Variants in RNF220 observed in about 807,000 individuals in gnomAD.
The protein encoded by RNF220 is E3 ubiquitin-protein ligase RNF220.
Under a neutral mutation model 67.1 loss-of-function variants are expected in RNF220, and 7 were observed. The ratio of observed to expected loss-of-function variants is 0.10; its 90% CI spans 0.06 to 0.20. The LOEUF is 0.20. Among genes scored for constraint, RNF220 ranks in the 10% least tolerant of loss-of-function variants. The probability of loss-of-function intolerance (pLI) is 1.00; values close to 1 mark genes in which losing one functional copy is unlikely to be tolerated. For missense variants in RNF220, 565 were observed against 740.3 expected, an observed-to-expected ratio of 0.76 and a Z score of 2.75; for synonymous variants, 270 against 283.2, an observed-to-expected ratio of 0.95 and a Z score of 0.47.
In RNF220 at chr1:44,405,398, G is replaced by A; in HGVS notation, c.-250G>A. 1 of 630,320 alleles carries A rather than the reference G, an allele frequency of 1.6e-6. No individual in the cohort carries two copies. The highest frequency in any genetic ancestry group is 2.9e-6 in the Non-Finnish European group (1 of 349,222). The allele number at this position is 630,320 out of a possible 1,614,324, so 39.0% of individuals were successfully genotyped here. On this transcript the variant is annotated 5_prime_UTR_variant, in exon 1 of 15. Transcript: ENST00000361799. ...GCCTACTGCTGCTGCTGCTGCTGCCGCTGCCGCCGCCGCCGCCGCCGCTGC... is the reference window on the plus strand; with the variant it reads ...GCCTACTGCTGCTGCTGCTGCTGCCACTGCCGCCGCCGCCGCCGCCGCTGC...
At chr1:44,531,765 A>G (rs529030145) in intron 2 of RNF220, among the ~76,000 whole-genome samples, 13 of 152,298 alleles carry the variant, frequency 8.5e-5, no homozygotes, top group African/African-American at 3.1e-4. Context: ...ATTAGGACCA[A>G]TTATCATCCA....
In RNF220 at chr1:44,614,314, G is replaced by A. The variant is rs112800399; in HGVS notation, c.758+17G>A. 70 of 1,612,500 alleles carry A rather than the reference G, an allele frequency of 4.3e-5. No individual in the cohort carries two copies. The African/African-American group carries it at 7.7e-4, about 18-fold the overall frequency. ...GCCCTCGAGGTAAGCCACCTCCCAGGGAGCCTGCCTGCTGGAGGAGTCCAC... is the reference window on the plus strand; with the variant it reads ...GCCCTCGAGGTAAGCCACCTCCCAGAGAGCCTGCCTGCTGGAGGAGTCCAC... On this transcript the variant is annotated intron_variant, in intron 3 of 14. Transcript: ENST00000361799.
At chr1:44,523,811 C>T (rs1660134463) in intron 2 of RNF220, among the ~76,000 whole-genome samples, 1 of 152,174 alleles carries the variant, frequency 6.6e-6, no homozygotes, top group Non-Finnish European at 1.5e-5. Context: ...ATCCAGCATC[C>T]AGCGCAGCCC....
Position 44,649,633 on chromosome 1 carries a change from C to T in RNF220, c.1446-28C>T. The T allele has an allele frequency of 6.2e-7, 1 of 1,605,220 alleles. No homozygotes were observed. The highest frequency in any genetic ancestry group is 8.5e-7 in the Non-Finnish European group (1 of 1,172,048). Reference sequence around the variant, plus strand: ...GGTACAGATGAGAGATGCCAGCCTGCTACCCAACCATGCCTTCCTTTTTAC... The same window carrying T: ...GGTACAGATGAGAGATGCCAGCCTGTTACCCAACCATGCCTTCCTTTTTAC... On this transcript the variant is annotated intron_variant, in intron 12 of 14. Coordinates refer to ENST00000361799, the MANE Select transcript of RNF220 (RefSeq NM_018150.4). This position sits in a 1 kb window ranked among gnomAD's most constrained non-coding sequence, Gnocchi z 5.9.
chr1:44,433,115 A>AGAT (rs2147872959), intron 2 of RNF220, among the ~76,000 whole-genome samples: 2 of 152,162 alleles, frequency 1.3e-5, no homozygotes, highest in South Asian at 4.2e-4. Context: ...TTTTTTGTAG[A>AGAT]GATGGAGTTT....
chr1:44,542,940 G>T (rs57927443), intron 2 of RNF220, among the ~76,000 whole-genome samples: 6 of 151,846 alleles, frequency 4.0e-5, no homozygotes, highest in Non-Finnish European at 8.8e-5. Context: ...TCCCAGGCCC[G>T]CTCCAGGGCC....
chr1:44,525,466 G>A (rs566384705), intron 2 of RNF220, among the ~76,000 whole-genome samples: 1 of 152,316 alleles, frequency 6.6e-6, no homozygotes, highest in South Asian at 2.1e-4. Flanking sequence ...ACAGAACCTT[G>A]AAACTGCTGC....
intron 2 of RNF220, among the ~76,000 whole-genome samples, chr1:44,517,692 C>G (rs1268083783): frequency 1.3e-5 from 2 of 152,208 alleles, no homozygotes; most frequent in Admixed American, 6.5e-5. Context: ...GTCATCAACA[C>G]TGTGCACAGC....
chr1:44,531,563 A>G (rs1660834094), intron 2 of RNF220, among the ~76,000 whole-genome samples: 1 of 152,224 alleles, frequency 6.6e-6, no homozygotes, highest in Non-Finnish European at 1.5e-5. Context: ...CTCAGCAGCT[A>G]GCACAATGCC....
At chr1:44,514,357 G>A (rs180693654) in intron 2 of RNF220, among the ~76,000 whole-genome samples, 1 of 152,324 alleles carries the variant, frequency 6.6e-6, no homozygotes, top group Admixed American at 6.5e-5. Flanking sequence ...CGTCTAACTA[G>A]ACAATACTAG....
Position 44,442,970 on chromosome 1 carries a change from C to T in RNF220, c.625+30248C>T, listed in dbSNP as rs143089371. ...TTCCACTCTTGTACCCAAGGGCCCT[C>T]TTACTCCACCCTCTTGCCTAGTGGA... On this transcript the variant is annotated intron_variant, in intron 2 of 14. Coordinates refer to ENST00000361799, the MANE Select transcript of RNF220 (RefSeq NM_018150.4). Among the ~76,000 whole-genome samples, 4 of 152,338 alleles carry T rather than the reference C, an allele frequency of 2.6e-5. No homozygotes were observed. In the East Asian group the frequency reaches 7.7e-4, roughly 29 times the overall value.
chr1:44,502,459 T>C (rs991538182), intron 2 of RNF220, among the ~76,000 whole-genome samples: 15 of 152,170 alleles, frequency 9.9e-5, no homozygotes, highest in African/African-American at 3.6e-4. Flanking sequence ...TATTTTGACA[T>C]GTAATAACCA....
At chr1:44,557,843 C>G (rs1663240961) in intron 2 of RNF220, among the ~76,000 whole-genome samples, 1 of 152,196 alleles carries the variant, frequency 6.6e-6, no homozygotes, top group South Asian at 2.1e-4. Flanking sequence ...TTTGTGATTT[C>G]CTTCACATCC....
intron 2 of RNF220, among the ~76,000 whole-genome samples, chr1:44,492,322 G>A (rs1656926705): frequency 6.6e-6 from 1 of 152,160 alleles, no homozygotes; most frequent in African/African-American, 2.4e-5. Context: ...CCGGGGGGGT[G>A]TAAAATAGTG....
In RNF220 at chr1:44,460,819, C is replaced by T. The variant is rs552547084; in HGVS notation, c.625+48097C>T. Among the ~76,000 whole-genome samples, 9 of 152,352 alleles carry T rather than the reference C, an allele frequency of 5.9e-5. No homozygotes were observed. The East Asian group carries it at 1.4e-3, about 23-fold the overall frequency. The stretch of plus-strand genomic sequence containing the variant: ...GAATAGATTGAATATAGCTGCAGAG[C>T]AGACTGGGACACGTGTGGAACACGG... On this transcript the variant is annotated intron_variant, in intron 2 of 14. Coordinates refer to ENST00000361799, the MANE Select transcript of RNF220 (RefSeq NM_018150.4).
chr1:44,421,284 T>G (rs1649184917), intron 2 of RNF220, among the ~76,000 whole-genome samples: 1 of 152,212 alleles, frequency 6.6e-6, no homozygotes, highest in South Asian at 2.1e-4. Context: ...TACTGGATAT[T>G]GTTTGAAATC....
At chr1:44,602,659 C>G (rs1356232485) in intron 2 of RNF220, among the ~76,000 whole-genome samples, 1 of 152,036 alleles carries the variant, frequency 6.6e-6, no homozygotes, top group Admixed American at 6.6e-5. Flanking sequence ...CGACTCCACC[C>G]CACACACACA....
chr1:44,528,417 C>A (rs1277930369), intron 2 of RNF220, among the ~76,000 whole-genome samples: 5 of 152,018 alleles, frequency 3.3e-5, no homozygotes, highest in African/African-American at 1.2e-4. Context: ...TCTCCTGCCT[C>A]AGCCTCCCCA....
chr1:44,631,883 G>A (rs1644137851), intron 5 of RNF220: 6 of 985,144 alleles, frequency 6.1e-6, no homozygotes, highest in East Asian at 1.1e-4. Flanking sequence ...GAGTACAAAC[G>A]GCAGCTTCCT....
Sources: allele counts gnomAD v4.1 joint callset (sites outside exome capture counted in the v4.1 genomes callset), GRCh38; gene constraint gnomAD v4.1.1; non-coding constraint Gnocchi (gnomAD v3.1); transcripts MANE v1.5; gene names NCBI Gene and HGNC (gene_info 2026-07-23, HGNC 2026-07-21).